Variants in IGSF21 observed in about 807,000 individuals in gnomAD.
IGSF21 encodes immunoglobin superfamily member 21, also known as immunoglobulin superfamily member 21.
Under a neutral mutation model 46.8 loss-of-function variants are expected in IGSF21, and 28 were observed. The observed-to-expected ratio is 0.60, with a 90% CI of 0.44 to 0.82. IGSF21 has a LOEUF of 0.82. IGSF21 is among the 40% of genes least tolerant of loss of function. The pLI, the probability that IGSF21 is intolerant of heterozygous loss-of-function variation, is 0.00. For synonymous variants in IGSF21, 284 were observed against 273.6 expected, an observed-to-expected ratio of 1.04 and a Z score of -0.38; for missense variants, 624 against 665.5, an observed-to-expected ratio of 0.94 and a Z score of 0.69.
At chr1:18,346,406 G>A (rs936923959) in intron 4 of IGSF21, among the ~76,000 whole-genome samples, 6 of 152,136 alleles carry the variant, frequency 3.9e-5, no homozygotes, top group African/African-American at 1.2e-4. Flanking sequence ...ACGTTTGGGC[G>A]TAGAGGAAAT....
At chr1:18,299,372 C>G (rs2085340532) in intron 3 of IGSF21, among the ~76,000 whole-genome samples, 1 of 152,210 alleles carries the variant, frequency 6.6e-6, no homozygotes, top group African/African-American at 2.4e-5. Flanking sequence ...AATGATCCTT[C>G]TACAATCTAT....
chr1:18,231,682 A>G (rs1019875874), intron 2 of IGSF21, among the ~76,000 whole-genome samples: 4 of 152,194 alleles, frequency 2.6e-5, no homozygotes, highest in African/African-American at 9.6e-5. Context: ...CTAGCCACCT[A>G]TAGCTGGTGG....
intron 5 of IGSF21, among the ~76,000 whole-genome samples, chr1:18,362,820 A>C (rs1569879419): frequency 6.6e-6 from 1 of 152,174 alleles, no homozygotes; most frequent in South Asian, 2.1e-4. Context: ...AGTGCAGTTC[A>C]CGAGATTTTT....
In IGSF21 at chr1:18,362,242, T is replaced by C. The variant is rs764245448; in HGVS notation, c.540+12T>C. 11 of 1,584,116 alleles carry C rather than the reference T, an allele frequency of 6.9e-6. No individual in the cohort carries two copies. The highest frequency in any genetic ancestry group is 9.5e-6 in the Non-Finnish European group (11 of 1,157,348). On this transcript the variant is annotated intron_variant, in intron 5 of 9. Transcript: ENST00000251296. ...AACCAGCACCCATGGTGAGTACCCC[T>C]GGAGTGCCCAGCTCCTTCCTATCTG...
At chr1:18,228,586 C>T (rs2124507328) in intron 2 of IGSF21, among the ~76,000 whole-genome samples, 1 of 152,258 alleles carries the variant, frequency 6.6e-6, no homozygotes, top group East Asian at 1.9e-4. Flanking sequence ...GCACAAGGGG[C>T]CTTTTCAACC....
At chr1:18,199,539 T>G (rs1322229782) in intron 1 of IGSF21, among the ~76,000 whole-genome samples, 1 of 152,098 alleles carries the variant, frequency 6.6e-6, no homozygotes, top group Non-Finnish European at 1.5e-5. Flanking sequence ...GACTCCACAG[T>G]TCTCAGCTTC....
intron 1 of IGSF21, among the ~76,000 whole-genome samples, chr1:18,119,968 G>A (rs2086219994): frequency 6.6e-6 from 1 of 152,232 alleles, no homozygotes; most frequent in Non-Finnish European, 1.5e-5. Context: ...GGTGGTGGAT[G>A]TGAATGTCTG....
intron 3 of IGSF21, among the ~76,000 whole-genome samples, chr1:18,329,968 G>C (rs2085696417): frequency 1.3e-5 from 2 of 152,190 alleles, no homozygotes; most frequent in South Asian, 4.1e-4. Context: ...CAGAGATGCC[G>C]TCGGTGTTGG....
intron 1 of IGSF21, among the ~76,000 whole-genome samples, chr1:18,153,202 A>G (rs1410470273): frequency 2.6e-5 from 4 of 152,206 alleles, no homozygotes; most frequent in African/African-American, 9.6e-5. Context: ...TAGGGAGGCC[A>G]AGAGAGTGAT....
chr1:18,115,901 G>GAAAAAGA (rs1553146741), intron 1 of IGSF21: 1 of 89,420 alleles, frequency 1.1e-5, no homozygotes, highest in Non-Finnish European at 2.3e-5. Flanking sequence ...AAGAAAGAAA[G>GAAAAAGA]AAGGAGAGGG....
chr1:18,199,728 C>T (rs1208097092), intron 1 of IGSF21, among the ~76,000 whole-genome samples: 2 of 152,150 alleles, frequency 1.3e-5, no homozygotes, highest in Non-Finnish European at 2.9e-5. Context: ...TGCAAAGCTC[C>T]GACTTTATTT....
chr1:18,234,675 A>G (rs1482917454), intron 2 of IGSF21, among the ~76,000 whole-genome samples: 1 of 152,158 alleles, frequency 6.6e-6, no homozygotes, highest in African/African-American at 2.4e-5. Flanking sequence ...AGGTGCTTAT[A>G]AAACCATCAT....
intron 1 of IGSF21, among the ~76,000 whole-genome samples, chr1:18,140,862 C>A (rs1019777923): frequency 7.2e-5 from 11 of 152,224 alleles, no homozygotes; most frequent in African/African-American, 2.4e-4. Context: ...TTCTTTGAGG[C>A]CTGAGACCAC....
chr1:18,282,166 T>A (rs1289307251), intron 2 of IGSF21, among the ~76,000 whole-genome samples: 2 of 152,148 alleles, frequency 1.3e-5, no homozygotes, highest in Non-Finnish European at 2.9e-5. Context: ...GGAGTGGGCC[T>A]GGGGGTTCCG....
At chr1:18,146,502 G>T (rs9661438) in intron 1 of IGSF21, among the ~76,000 whole-genome samples, 1 of 152,146 alleles carries the variant, frequency 6.6e-6, no homozygotes, top group Non-Finnish European at 1.5e-5. Flanking sequence ...CTGCTCCAAC[G>T]CAGGGAGGGA....
chr1:18,309,364 G>C (rs190856841), intron 3 of IGSF21, among the ~76,000 whole-genome samples: 113 of 152,224 alleles, frequency 7.4e-4, no homozygotes, highest in East Asian at 4.3e-3. Flanking sequence ...CCATGGAGGG[G>C]ATGCCACTGT....
Position 18,238,956 on chromosome 1 carries a change from C to T in IGSF21, c.183+10946C>T, listed in dbSNP as rs1003833584. 4.6e-5 allele frequency among the ~76,000 whole-genome samples: 7 copies of T among 152,298 alleles called. No homozygotes were observed. In the South Asian group the frequency reaches 6.2e-4, roughly 14 times the overall value. On this transcript the variant is annotated intron_variant, in intron 2 of 9. Coordinates refer to ENST00000251296, the MANE Select transcript of IGSF21 (RefSeq NM_032880.5). ...CACCTTGCGGTCAACCTCCCCACCC[C>T]GCTATCTTTTCCCCAGAAGACTCAG... is the stretch of plus-strand genomic sequence containing the variant.
At chr1:18,194,313 C>A (rs2086986054) in intron 1 of IGSF21, among the ~76,000 whole-genome samples, 2 of 152,152 alleles carry the variant, frequency 1.3e-5, no homozygotes, top group Non-Finnish European at 2.9e-5. Flanking sequence ...ACAAACAATC[C>A]CCCTTTGACC....
chr1:18,145,715 C>T (rs2086459260), intron 1 of IGSF21, among the ~76,000 whole-genome samples: 1 of 152,216 alleles, frequency 6.6e-6, no homozygotes. Flanking sequence ...CTCATGTCGG[C>T]TTCTCAGGGC....
Sources: gnomAD v4.1 joint callset for allele counts (sites outside exome capture counted in the v4.1 genomes callset) on GRCh38, gnomAD v4.1.1 for gene constraint, MANE v1.5 for transcripts, NCBI Gene and HGNC (gene_info 2026-07-23, HGNC 2026-07-21) for gene names.